The following P2RX5 variants were observed in gnomAD, a reference collection of about 807,000 sequenced individuals.
P2RX5 encodes the protein purinergic receptor P2X 5, also known as P2X purinoceptor 5.
Under a neutral mutation model 54.1 loss-of-function variants are expected in P2RX5, and 46 were observed. The ratio of observed to expected loss-of-function variants is 0.85; its 90% confidence interval spans 0.67 to 1.09. The LOEUF (loss-of-function observed/expected upper bound fraction) is 1.09. Among genes scored for constraint, P2RX5 ranks in the 50% least tolerant of loss-of-function variants. The pLI, the probability that P2RX5 is intolerant of heterozygous loss-of-function variation, is 0.00. For missense variants in P2RX5, 566 were observed against 549.8 expected, an observed-to-expected ratio of 1.03 and a Z score of -0.29; for synonymous variants, 226 against 226.4, an observed-to-expected ratio of 1.00 and a Z score of 0.02.
chr17:3,701,696 G>GAAAAAAA, the P2RX5 span, among the ~76,000 whole-genome samples: 176 of 73,192 alleles, frequency 2.4e-3, 2 homozygotes, highest in African/African-American at 9.0e-3. Context: ...CTCTGTCTCA[G>GAAAAAAA]AAAAAAAAAA....
chr17:3,691,810 C>T lies in P2RX5; in HGVS notation c.138-16G>A, dbSNP rs370214911. On this transcript the variant is annotated splice_polypyrimidine_tract_variant and intron_variant, in intron 1 of 11. Transcript: ENST00000225328. ...GAACACCCATCTGTGGGAAGGGGGC[C>T]GGTACGTGGGCATCAGCCACTCTGC... The T allele has an allele frequency of 5.6e-6, 9 of 1,614,002 alleles. No homozygotes were observed. Among genetic ancestry groups the T allele is most frequent in the Admixed American group, 5.0e-5 (3 of 60,020 alleles).
chr17:3,684,974 C>G (rs781373358), intron 9 of P2RX5, among the ~76,000 whole-genome samples: 2 of 151,478 alleles, frequency 1.3e-5, no homozygotes, highest in Non-Finnish European at 2.9e-5. Context: ...GCCTCCTGAG[C>G]AGCTGGGATT....
the P2RX5 span, among the ~76,000 whole-genome samples, chr17:3,716,222 A>G: frequency 9.5e-6 from 1 of 105,534 alleles, no homozygotes; most frequent in African/African-American, 4.3e-5. Context: ...CGGGTAGCGG[A>G]CAGAGAGGAG....
At chr17:3,723,424 C>A in the P2RX5 span, 1 of 1,429,794 alleles carries the variant, frequency 7.0e-7, no homozygotes, top group Admixed American at 1.7e-5. Flanking sequence ...CCTTTCCGTG[C>A]GGAAAGTCTG....
the P2RX5 span, among the ~76,000 whole-genome samples, chr17:3,701,746 GTT>G: frequency 4.2e-3 from 450 of 106,420 alleles, 4 homozygotes; most frequent in African/African-American, 0.013. Flanking sequence ...CATTTTCTCT[GTT>G]TTTTTTTTTT....
intron 7 of P2RX5, 78 bp downstream of exon 7, chr17:3,689,414 C>G: frequency 6.4e-7 from 1 of 1,561,482 alleles, no homozygotes; most frequent in East Asian, 2.3e-5. Context: ...GAGTCCCCGT[C>G]CACACCCTCC....
the P2RX5 span, chr17:3,723,506 T>A: frequency 2.4e-5 from 24 of 984,592 alleles, no homozygotes; most frequent in Non-Finnish European, 3.7e-5. Context: ...ATTTCAGCGC[T>A]CACCTCGGCC....
At chr17:3,675,416 G>C in intron 11 of P2RX5, 1 of 985,326 alleles carries the variant, frequency 1.0e-6, no homozygotes, top group Non-Finnish European at 1.2e-6. Flanking sequence ...CAGCCATTTC[G>C]AAGTCTGGTT....
the P2RX5 span, chr17:3,723,174 CA>C: frequency 1.3e-6 from 1 of 774,188 alleles, no homozygotes; most frequent in South Asian, 1.5e-5. Flanking sequence ...TTTTTTGCAC[CA>C]AAAGATCTAT....
intron 6 of P2RX5, among the ~76,000 whole-genome samples, chr17:3,689,859 C>T (rs2050554742): frequency 6.6e-6 from 1 of 152,008 alleles, no homozygotes; most frequent in Non-Finnish European, 1.5e-5. Flanking sequence ...CGCGTGCACG[C>T]ACGCACACAC....
intron 11 of P2RX5, chr17:3,677,319 G>T: frequency 7.1e-6 from 7 of 984,948 alleles, no homozygotes; most frequent in Non-Finnish European, 8.4e-6. Context: ...CTCCCATCTG[G>T]GCAGGTCCAT....
At chr17:3,695,269 G>A (rs1295644717) in intron 1 of P2RX5, among the ~76,000 whole-genome samples, 1 of 152,208 alleles carries the variant, frequency 6.6e-6, no homozygotes, top group African/African-American at 2.4e-5. Flanking sequence ...CAGGTGGCAT[G>A]AGGATGGGGG....
intron 9 of P2RX5, among the ~76,000 whole-genome samples, chr17:3,683,783 A>G (rs538506675): frequency 1.3e-5 from 2 of 151,914 alleles, no homozygotes; most frequent in East Asian, 3.9e-4. Context: ...CTTCTGTAAG[A>G]AAGTAACAGG....
At chr17:3,711,371 T>TTTTTTTTTTTC in the P2RX5 span, among the ~76,000 whole-genome samples, 1 of 20,768 alleles carries the variant, frequency 4.8e-5, no homozygotes, top group Non-Finnish European at 1.3e-4. Flanking sequence ...GCACTCATTC[T>TTTTTTTTTTTC]TTTTTTTTTT....
chr17:3,682,203 C>T (rs7342917), intron 9 of P2RX5: 201 of 583,122 alleles, frequency 3.4e-4, no homozygotes, highest in African/African-American at 3.3e-3. Flanking sequence ...TCCCACAGGC[C>T]AGGCACTCCC....
Position 3,691,022 on chromosome 17 carries a change from C to T in P2RX5, c.294G>A (p.Glu98=), listed in dbSNP as rs765745570. 53 of 1,612,146 alleles carry T rather than the reference C, an allele frequency of 3.3e-5. No individual in the cohort carries two copies. The highest frequency in any genetic ancestry group is 4.0e-5 in the Non-Finnish European group (47 of 1,179,132). Residue 98 remains glutamate (E), a synonymous_variant, in exon 3 of 12, where the codon GAG becomes GAA. Coordinates refer to ENST00000225328, the MANE Select transcript of P2RX5 (RefSeq NM_002561.4). ...GGTTGGTGACCACAAAAAAGACGTTCTCTCCCTAAGGAACCAGAGAGGCAC... is the reference window on the plus strand; with the variant it reads ...GGTTGGTGACCACAAAAAAGACGTTTTCTCCCTAAGGAACCAGAGAGGCAC... ...VADYVIPAQG[E]NVFFVVTNLI... is the part of the protein sequence containing the mutation.
chr17:3,679,678 C>T lies in P2RX5; in HGVS notation c.1171G>A (p.Glu391Lys). The change falls in exon 11 of 12, where the codon GAG (glutamate) becomes AAG (lysine). Residue 391 changes from glutamate (E) to lysine (K), a missense_variant. Transcript: ENST00000225328. ...PGLLGMPEQQ[E>K]LQEPPEAKRG... Reference sequence around the variant, plus strand: ...TTCGCCTCGGGTGGCTCCTGCAGCTCCTGCTGCTCCGGCATCCCCAGCAGC... The same window carrying T: ...TTCGCCTCGGGTGGCTCCTGCAGCTTCTGCTGCTCCGGCATCCCCAGCAGC... 6.2e-7 allele frequency: 1 copy of T among 1,611,698 alleles called. No homozygotes were observed. The highest frequency in any genetic ancestry group is 8.5e-7 in the Non-Finnish European group (1 of 1,179,804).
At chr17:3,675,547 A>T (rs2050083243) in intron 11 of P2RX5, 1 of 983,560 alleles carries the variant, frequency 1.0e-6, no homozygotes, top group African/African-American at 1.8e-5. Context: ...GATCACCTGG[A>T]TCTTCACTTT....
At chr17:3,699,874 A>AAAGGAAGGAAGG (rs771611154), upstream of P2RX5, among the ~76,000 whole-genome samples, 24 of 42,752 alleles carry the variant, frequency 5.6e-4, no homozygotes, top group East Asian at 3.4e-3. Context: ...AGAAAGAAAG[A>AAAGGAAGGAAGG]AAGGAAGGAA....
Sources: allele counts gnomAD v4.1 joint callset (sites outside exome capture counted in the v4.1 genomes callset), GRCh38; gene constraint gnomAD v4.1.1; transcripts MANE v1.5; gene names NCBI Gene and HGNC (gene_info 2026-07-23, HGNC 2026-07-21).